The following SPSB4 variants were observed in gnomAD, a reference collection of about 807,000 sequenced individuals.
SPSB4 encodes splA/ryanodine receptor domain and SOCS box containing 4.
In SPSB4, 21 loss-of-function variants were observed where a neutral mutation model predicts 20.9. The observed-to-expected ratio is 1.01, with a 90% CI of 0.71 to 1.45. The LOEUF is 1.45. Among genes scored for constraint, SPSB4 ranks in the 40% most tolerant of loss-of-function variants. The probability of loss-of-function intolerance (pLI) is 0.00; values close to 1 mark genes in which losing one functional copy is unlikely to be tolerated. For missense variants in SPSB4, 399 were observed against 399.2 expected, an observed-to-expected ratio of 1.00 and a Z score of 0.00; for synonymous variants, 207 against 183.8, an observed-to-expected ratio of 1.13 and a Z score of -1.02.
chr3:141,119,887 G>T (rs533113387), intron 2 of SPSB4, among the ~76,000 whole-genome samples: 95 of 151,792 alleles, frequency 6.3e-4, no homozygotes, highest in Admixed American at 3.7e-3. Context: ...GATTTTTTTT[G>T]AAGTGTTTTT....
intron 2 of SPSB4, among the ~76,000 whole-genome samples, chr3:141,093,979 C>A (rs1938505976): frequency 6.6e-6 from 1 of 152,176 alleles, no homozygotes; most frequent in Admixed American, 6.5e-5. Context: ...GCAGCACCAG[C>A]CCCATGAGAT....
chr3:141,092,784 A>G (rs1452665331), intron 2 of SPSB4, among the ~76,000 whole-genome samples: 1 of 152,216 alleles, frequency 6.6e-6, no homozygotes, highest in East Asian at 1.9e-4. Flanking sequence ...GAACCTTCCT[A>G]TATGGCAGTG....
chr3:141,111,218 A>AT (rs1327540714), intron 2 of SPSB4, among the ~76,000 whole-genome samples: 1 of 152,118 alleles, frequency 6.6e-6, no homozygotes, highest in East Asian at 1.9e-4. Flanking sequence ...GAGACTATTT[A>AT]TATCACTCCT....
intron 1 of SPSB4, among the ~76,000 whole-genome samples, chr3:141,061,204 AT>A (rs891400539): frequency 6.6e-6 from 1 of 152,148 alleles, no homozygotes; most frequent in African/African-American, 2.4e-5. Flanking sequence ...AAATTACATA[AT>A]TTTTAGGTGA....
intron 1 of SPSB4, among the ~76,000 whole-genome samples, chr3:141,061,158 T>C (rs1054101032): frequency 2.0e-5 from 3 of 152,214 alleles, no homozygotes; most frequent in African/African-American, 7.2e-5. Context: ...TAGTTACTTA[T>C]GCATTTAAAG....
At chr3:141,086,811 T>C (rs901684014) in intron 2 of SPSB4, among the ~76,000 whole-genome samples, 20 of 152,206 alleles carry the variant, frequency 1.3e-4, no homozygotes, top group African/African-American at 4.6e-4. Context: ...GTCACCTCTT[T>C]TATCTCATAA....
chr3:141,080,103 A>T (rs1217218009), intron 2 of SPSB4, among the ~76,000 whole-genome samples: 1 of 152,236 alleles, frequency 6.6e-6, no homozygotes, highest in Non-Finnish European at 1.5e-5. Flanking sequence ...CCCGCTGCTA[A>T]AAAATGGCAT....
At chr3:141,126,075 T>G (rs4683394) in intron 2 of SPSB4, among the ~76,000 whole-genome samples, 28,615 of 152,126 alleles carry the variant, frequency 0.19, 4,157 homozygotes, top group African/African-American at 0.41. Flanking sequence ...CCCCAAGTCT[T>G]TGGGGCTCTA....
chr3:141,095,371 G>A (rs749909788), intron 2 of SPSB4, among the ~76,000 whole-genome samples: 9 of 152,082 alleles, frequency 5.9e-5, no homozygotes, highest in Non-Finnish European at 1.2e-4. Context: ...CCATGGCTAC[G>A]GAATGAATAC....
intron 2 of SPSB4, among the ~76,000 whole-genome samples, chr3:141,091,684 T>G (rs1266328540): frequency 6.6e-6 from 1 of 152,194 alleles, no homozygotes; most frequent in East Asian, 1.9e-4. Flanking sequence ...AGCCTGTAAA[T>G]GCTGACAAAT....
At chr3:141,131,445 C>T (rs553924731) in intron 2 of SPSB4, among the ~76,000 whole-genome samples, 1 of 151,980 alleles carries the variant, frequency 6.6e-6, no homozygotes, top group Non-Finnish European at 1.5e-5. Flanking sequence ...CTAGTAGAAC[C>T]AGAACTCAAT....
rs187654359 is a variant in SPSB4, at chr3:141,120,487, A to G, written c.695-26655A>G. Among the ~76,000 whole-genome samples the G allele has an allele frequency of 1.5e-3, 233 of 152,288 alleles. 1 individual carries two copies. The highest frequency in any genetic ancestry group is 5.3e-3 in the African/African-American group (219 of 41,552). ...TCCTTGTTAACCTTCTGTCTTGCTGATCTGTCTAATATTGACAGTGGGGTG... is the reference window on the plus strand; with the variant it reads ...TCCTTGTTAACCTTCTGTCTTGCTGGTCTGTCTAATATTGACAGTGGGGTG... On this transcript the variant is annotated intron_variant, in intron 2 of 2. Coordinates refer to ENST00000310546, the MANE Select transcript of SPSB4 (RefSeq NM_080862.3).
intron 2 of SPSB4, chr3:141,117,019 G>A (rs1487754976): frequency 6.6e-6 from 1 of 152,200 alleles, no homozygotes; most frequent in Non-Finnish European, 1.5e-5. Flanking sequence ...TCCTGAGCAG[G>A]ACTCTGTGTG....
At chr3:141,086,726 G>A (rs1186314875) in intron 2 of SPSB4, among the ~76,000 whole-genome samples, 1 of 152,218 alleles carries the variant, frequency 6.6e-6, no homozygotes, top group East Asian at 1.9e-4. Context: ...TAGGACATAC[G>A]CAATAAGTTA....
In SPSB4 at chr3:141,145,225, TA is replaced by T. The variant is rs573940987; in HGVS notation, c.695-1904del. Reference sequence around the variant, plus strand: ...ATTTTAAAAAGAGAATACAAAAAATTAAAAAAAAAAAAAGATAAAAAAGAGG... The same window carrying T: ...ATTTTAAAAAGAGAATACAAAAAATTAAAAAAAAAAAAGATAAAAAAGAGG... On this transcript the variant is annotated intron_variant, in intron 2 of 2. Coordinates refer to ENST00000310546, the MANE Select transcript of SPSB4 (RefSeq NM_080862.3). Among the ~76,000 whole-genome samples the T allele has an allele frequency of 3.2e-3, 462 of 142,584 alleles. 2 individuals are homozygous for T. The highest frequency in any genetic ancestry group is 7.1e-3 in the Middle Eastern group (2 of 280). 93.5% of individuals were successfully genotyped at this position (142,584 alleles called of 152,430 possible).
chr3:141,106,316 C>T (rs185224043), intron 2 of SPSB4, among the ~76,000 whole-genome samples: 3 of 152,238 alleles, frequency 2.0e-5, no homozygotes, highest in Admixed American at 1.3e-4. Context: ...GCCCTCGGGC[C>T]ACTCCATGAA....
chr3:141,072,775 G>T (rs1938030827), intron 2 of SPSB4, among the ~76,000 whole-genome samples: 2 of 152,114 alleles, frequency 1.3e-5, no homozygotes, highest in Non-Finnish European at 2.9e-5. Flanking sequence ...ACTACCAAAG[G>T]GCGTATGGTG....
At chr3:141,108,109 G>T (rs1255198115) in intron 2 of SPSB4, among the ~76,000 whole-genome samples, 1 of 152,004 alleles carries the variant, frequency 6.6e-6, no homozygotes, top group African/African-American at 2.4e-5. Flanking sequence ...TGTGAATGGG[G>T]GCCAGCGAGG....
At chr3:141,125,393 TA>T (rs151257612) in intron 2 of SPSB4, among the ~76,000 whole-genome samples, 132 of 152,250 alleles carry the variant, frequency 8.7e-4, no homozygotes, top group Admixed American at 1.6e-3. Flanking sequence ...GGTGTTGCAG[TA>T]ATATTAGAGT....
Sources: gnomAD v4.1 joint callset for allele counts (sites outside exome capture counted in the v4.1 genomes callset) on GRCh38, gnomAD v4.1.1 for gene constraint, MANE v1.5 for transcripts, NCBI Gene and HGNC (gene_info 2026-07-23, HGNC 2026-07-21) for gene names.